PLPPR1: variants seen among roughly 807,000 people sequenced by gnomAD.
PLPPR1 encodes phospholipid phosphatase-related protein type 1.
A neutral mutation model predicts 33.1 loss-of-function variants in PLPPR1; 10 were observed. The observed-to-expected ratio is 0.30, with a 90% CI of 0.19 to 0.51. PLPPR1 has a LOEUF of 0.51. Among genes scored for constraint, PLPPR1 ranks in the 20% least tolerant of loss-of-function variants. The pLI, the probability that PLPPR1 is intolerant of heterozygous loss-of-function variation, is 0.97. For synonymous variants in PLPPR1, 151 were observed against 151.0 expected (o/e 1.00, Z 0.00); for missense variants, 304 against 408.1 (o/e 0.74, Z 2.20).
chr9:101,071,594 G>A (rs963685186), intron 1 of PLPPR1, among the ~76,000 whole-genome samples: 5 of 136,058 alleles, frequency 3.7e-5, no homozygotes, highest in African/African-American at 8.1e-5. Flanking sequence ...TGAGAGCAAT[G>A]GGAGTGAGAA....
At chr9:101,227,773 G>T (rs1361927344) in intron 2 of PLPPR1, among the ~76,000 whole-genome samples, 1 of 152,144 alleles carries the variant, frequency 6.6e-6, no homozygotes, top group East Asian at 1.9e-4. Flanking sequence ...TTTCAATTTT[G>T]TTCCTGTGTT....
intron 1 of PLPPR1, among the ~76,000 whole-genome samples, chr9:101,151,687 G>A (rs1200097990): frequency 2.0e-5 from 3 of 152,102 alleles, no homozygotes; most frequent in African/African-American, 7.2e-5. Context: ...TAGCACTTGC[G>A]CTGCCACTTC....
At chr9:101,047,892 G>A (rs547501569) in intron 1 of PLPPR1, among the ~76,000 whole-genome samples, 1 of 152,044 alleles carries the variant, frequency 6.6e-6, no homozygotes, top group Non-Finnish European at 1.5e-5. Flanking sequence ...CTTTGCTCAG[G>A]CTACTGATCA....
chr9:101,233,730 G>C (rs1047803358), intron 2 of PLPPR1, among the ~76,000 whole-genome samples: 1 of 151,834 alleles, frequency 6.6e-6, no homozygotes, highest in Non-Finnish European at 1.5e-5. Flanking sequence ...CACCCTCCAG[G>C]ACTGTCCATT....
At chr9:101,250,444 G>A (rs916388852) in intron 2 of PLPPR1, among the ~76,000 whole-genome samples, 2 of 152,020 alleles carry the variant, frequency 1.3e-5, no homozygotes, top group African/African-American at 2.4e-5. Context: ...TGTCTGAATA[G>A]TACCTTCCCT....
intron 1 of PLPPR1, among the ~76,000 whole-genome samples, chr9:101,041,565 G>A (rs934255422): frequency 2.0e-5 from 3 of 152,122 alleles, no homozygotes; most frequent in Non-Finnish European, 4.4e-5. Flanking sequence ...ATGTACCTCT[G>A]GCTACTAGGT....
chr9:101,104,528 T>G (rs1480875104), intron 1 of PLPPR1, among the ~76,000 whole-genome samples: 1 of 130,958 alleles, frequency 7.6e-6, no homozygotes, highest in East Asian at 3.0e-4. Flanking sequence ...AGCTTTTTGA[T>G]GTGCTGCTGG....
At chr9:101,217,089 C>T (rs1826813864) in intron 2 of PLPPR1, among the ~76,000 whole-genome samples, 1 of 151,892 alleles carries the variant, frequency 6.6e-6, no homozygotes, top group Admixed American at 6.6e-5. Context: ...TAATACTATA[C>T]ATTAAAATTA....
chr9:101,173,248 ACTTACAAAT>A (rs1302383384), intron 1 of PLPPR1, among the ~76,000 whole-genome samples: 1 of 152,196 alleles, frequency 6.6e-6, no homozygotes, highest in Non-Finnish European at 1.5e-5. Flanking sequence ...ACAGTAGCCT[ACTTACAAAT>A]CATTTTTATA....
chr9:101,169,721 TA>T, intron 1 of PLPPR1, among the ~76,000 whole-genome samples: 2 of 152,276 alleles, frequency 1.3e-5, no homozygotes, highest in Middle Eastern at 3.4e-3. Context: ...TATATCTTTT[TA>T]AAAAATAATC....
chr9:101,234,096 G>A (rs2118827126), intron 2 of PLPPR1, among the ~76,000 whole-genome samples: 1 of 151,888 alleles, frequency 6.6e-6, no homozygotes, highest in East Asian at 1.9e-4. Context: ...CATTTACATG[G>A]TCTCCTCTAG....
At chr9:101,289,472 A>G (rs886921409) in intron 4 of PLPPR1, among the ~76,000 whole-genome samples, 2 of 152,190 alleles carry the variant, frequency 1.3e-5, no homozygotes, top group African/African-American at 4.8e-5. Context: ...GAGAGTTGAT[A>G]TGGTTTGGCT....
intron 1 of PLPPR1, among the ~76,000 whole-genome samples, chr9:101,083,082 C>T (rs537663747): frequency 2.9e-4 from 44 of 152,200 alleles, no homozygotes; most frequent in Non-Finnish European, 4.4e-4. Context: ...GGACTGTAAA[C>T]GCCTGATTCT....
intron 1 of PLPPR1, among the ~76,000 whole-genome samples, chr9:101,135,620 G>A (rs963997963): frequency 3.9e-5 from 6 of 152,144 alleles, no homozygotes; most frequent in Non-Finnish European, 7.3e-5. Context: ...CTGGTTTGGA[G>A]TTTATATTCT....
At chr9:101,293,179 A>G (rs1258324230) in intron 4 of PLPPR1, among the ~76,000 whole-genome samples, 1,907 of 149,764 alleles carry the variant, frequency 0.013, 39 homozygotes, top group African/African-American at 0.046. Flanking sequence ...CAGACTGTAA[A>G]CCAACAAAGA....
intron 1 of PLPPR1, among the ~76,000 whole-genome samples, chr9:101,037,429 C>T (rs531863): frequency 0.36 from 54,038 of 151,922 alleles, 10,005 homozygotes; most frequent in Non-Finnish European, 0.41. Flanking sequence ...GTTTGCATGG[C>T]TCTCTGTCGA....
At chr9:101,235,229 G>A (rs531774518) in intron 2 of PLPPR1, among the ~76,000 whole-genome samples, 4 of 151,882 alleles carry the variant, frequency 2.6e-5, no homozygotes, top group African/African-American at 9.6e-5. Context: ...TTCCTTTCAT[G>A]ATTGTTTGAC....
intron 2 of PLPPR1, among the ~76,000 whole-genome samples, chr9:101,187,101 G>A (rs527310732): frequency 2.6e-5 from 4 of 151,960 alleles, no homozygotes; most frequent in South Asian, 2.1e-4. Context: ...CTGCTTATGC[G>A]AAAAAGTTAG....
intron 1 of PLPPR1, among the ~76,000 whole-genome samples, chr9:101,100,239 C>A (rs543161288): frequency 6.6e-6 from 1 of 152,006 alleles, no homozygotes; most frequent in African/African-American, 2.4e-5. Flanking sequence ...GAATGTCACA[C>A]ATGGAAAGTG....
Sources: gnomAD v4.1 joint callset for allele counts (sites outside exome capture counted in the v4.1 genomes callset) on GRCh38, gnomAD v4.1.1 for gene constraint, MANE v1.5 for transcripts, NCBI Gene and HGNC (gene_info 2026-07-23, HGNC 2026-07-21) for gene names.